The following RFC4 variants were observed in gnomAD, a reference collection of about 807,000 sequenced individuals.
RFC4 encodes the protein replication factor C subunit 4, also known as A1 37 kDa subunit.
Under a neutral mutation model 47.6 loss-of-function variants are expected in RFC4, and 38 were observed. That is an observed-to-expected ratio of 0.80 (90% CI 0.62 to 1.05). The LOEUF (loss-of-function observed/expected upper bound fraction) is 1.05, where lower values mean the gene tolerates loss of function less well. Ranked by LOEUF, RFC4 falls within the 50% of genes least tolerant of loss-of-function variation. The probability of loss-of-function intolerance (pLI) is 0.00; values close to 1 mark genes in which losing one functional copy is unlikely to be tolerated. For missense variants in RFC4, 489 were observed against 434.0 expected (o/e 1.13, Z -1.13); for synonymous variants, 164 against 150.0 (o/e 1.09, Z -0.68).
intron 3 of RFC4, 38 bp from the exon 4 acceptor site, chr3:186,797,652 C>T (rs200551222): frequency 8.9e-4 from 1,251 of 1,404,282 alleles, no homozygotes; most frequent in Non-Finnish European, 7.6e-4. Flanking sequence ...AAATGGTATT[C>T]TGGCACAAAT....
In RFC4 at chr3:186,796,423, C is replaced by T. The variant is rs1722245727; in HGVS notation, c.290+1112G>A. Among the ~76,000 whole-genome samples, 1 of 152,044 alleles carries T rather than the reference C, an allele frequency of 6.6e-6. No individual in the cohort carries two copies. Among genetic ancestry groups the T allele is most frequent in the South Asian group, 2.1e-4 (1 of 4,830 alleles). On this transcript the variant is annotated intron_variant, in intron 4 of 10. Transcript: ENST00000296273. The surrounding 1 kb of genome is among the most constrained non-coding windows in gnomAD (Gnocchi z 4.2). Reference sequence around the variant, plus strand: ...AATATTAGGCACATAGCAGCTTCTCCCTTTGTCTTTTACATTTTGACATAA... The same window carrying T: ...AATATTAGGCACATAGCAGCTTCTCTCTTTGTCTTTTACATTTTGACATAA...
intron 1 of RFC4, among the ~76,000 whole-genome samples, chr3:186,805,200 G>A (rs1436651121): frequency 1.3e-5 from 2 of 152,000 alleles, no homozygotes; most frequent in African/African-American, 4.8e-5. Flanking sequence ...CTTTCCTTGG[G>A]TCAGAACTCA....
intron 2 of RFC4, 41 bp from the exon 3 acceptor site, chr3:186,801,236 T>C (rs973363522): frequency 6.9e-7 from 1 of 1,439,274 alleles, no homozygotes; most frequent in Non-Finnish European, 9.8e-7. Context: ...TTTAGTATAT[T>C]ATAGTAGCCA....
rs147065910 is a variant in RFC4, at chr3:186,796,884, A to G, written c.290+651T>C. Reference sequence around the variant, plus strand: ...TGTTATGTTGGTGCATGTTTCATGTATATCAGACCCAGCCCACTACACATC... The same window carrying G: ...TGTTATGTTGGTGCATGTTTCATGTGTATCAGACCCAGCCCACTACACATC... On this transcript the variant is annotated intron_variant, in intron 4 of 10. Coordinates refer to ENST00000296273, the MANE Select transcript of RFC4 (RefSeq NM_002916.5). This position sits in a 1 kb window ranked among gnomAD's most constrained non-coding sequence, Gnocchi z 4.2. Among the ~76,000 whole-genome samples, 143 of 152,336 alleles carry G rather than the reference A, an allele frequency of 9.4e-4. No individual in the cohort carries two copies. The East Asian group carries it at 0.013, about 14-fold the overall frequency.
chr3:186,803,060 G>T (rs368508961), intron 2 of RFC4, among the ~76,000 whole-genome samples: 22 of 152,156 alleles, frequency 1.4e-4, no homozygotes, highest in Admixed American at 7.9e-4. Flanking sequence ...AACATATAAG[G>T]GGCTGGGCGC....
chr3:186,800,863 C>G (rs3917110), intron 3 of RFC4, among the ~76,000 whole-genome samples: 35,908 of 152,020 alleles, frequency 0.24, 4,970 homozygotes, highest in East Asian at 0.42. Flanking sequence ...ATGTCTTGTT[C>G]TATGTCTATG....
chr3:186,802,924 A>G (rs1722390742), intron 2 of RFC4, among the ~76,000 whole-genome samples: 1 of 152,212 alleles, frequency 6.6e-6, no homozygotes, highest in Non-Finnish European at 1.5e-5. Flanking sequence ...ACAAGTCCAT[A>G]TAACTCCTGT....
At chr3:186,790,718 C>T (rs1404170071) in intron 8 of RFC4, among the ~76,000 whole-genome samples, 1 of 152,178 alleles carries the variant, frequency 6.6e-6, no homozygotes, top group East Asian at 1.9e-4. Flanking sequence ...AACGATTCCT[C>T]AGAACAGTGG....
chr3:186,804,655 C>A lies in RFC4; in HGVS notation c.59G>T (p.Arg20Leu). 1 of 1,614,076 alleles carries A rather than the reference C, an allele frequency of 6.2e-7. No individual in the cohort carries two copies. The highest frequency in any genetic ancestry group is 8.5e-7 in the Non-Finnish European group (1 of 1,180,016). The change falls in exon 2 of 11, where the codon CGA becomes CTA. Residue 20 changes from arginine (R) to leucine (L), a missense_variant. Transcript: ENST00000296273. Reference sequence around the variant, plus strand: ...ACTTCCCGCACTGGCAGCTACTCCTCGATCCTTGGTCAGCGGGGGTTTAGT... The same window carrying A: ...ACTTCCCGCACTGGCAGCTACTCCTAGATCCTTGGTCAGCGGGGGTTTAGT... ...ISTKPPLTKDRGVAASAGSSG... is the reference protein window; with the variant it reads ...ISTKPPLTKDLGVAASAGSSG...
In RFC4 at chr3:186,792,776, G is replaced by A. The variant is rs778656348; in HGVS notation, c.554+28C>T. On this transcript the variant is annotated intron_variant, in intron 6 of 10. Transcript: ENST00000296273. ...TGGGTTATGAAAATAAGGCTGCCTAGCATCTGTCTTCAGGGCAATATACAT... is the reference window on the plus strand; with the variant it reads ...TGGGTTATGAAAATAAGGCTGCCTAACATCTGTCTTCAGGGCAATATACAT... 1.6e-5 allele frequency: 25 copies of A among 1,584,270 alleles called. No homozygotes were observed. The Admixed American group carries it at 4.5e-4, about 28-fold the overall frequency.
rs1722253103 is a variant in RFC4 at position 186,796,839 on chromosome 3, G to C, written c.290+696C>G. 6.6e-6 allele frequency among the ~76,000 whole-genome samples: 1 copy of C among 152,114 alleles called. No homozygotes were observed. The highest frequency in any genetic ancestry group is 1.5e-5 in the Non-Finnish European group (1 of 68,028). ...AGTTGTATGTCTGATATTAATTCTGGATAAACTCAAAACAGCCTTTGTTAT... is the reference window on the plus strand; with the variant it reads ...AGTTGTATGTCTGATATTAATTCTGCATAAACTCAAAACAGCCTTTGTTAT... On this transcript the variant is annotated intron_variant, in intron 4 of 10. Coordinates refer to ENST00000296273, the MANE Select transcript of RFC4 (RefSeq NM_002916.5). The surrounding 1 kb of genome is among the most constrained non-coding windows in gnomAD (Gnocchi z 4.2).
chr3:186,802,760 A>C (rs1252168609), intron 2 of RFC4, among the ~76,000 whole-genome samples: 2 of 152,090 alleles, frequency 1.3e-5, no homozygotes, highest in African/African-American at 4.8e-5. Flanking sequence ...TCTCTTGGGA[A>C]TCCAGTATAT....
intron 8 of RFC4, 34 bp from the exon 9 acceptor site, chr3:186,790,440 T>G (rs368369508): frequency 6.8e-7 from 1 of 1,477,494 alleles, no homozygotes; most frequent in Admixed American, 1.7e-5. Flanking sequence ...TAAAGATGTT[T>G]CTAGGTGAGA....
Position 186,793,374 on chromosome 3 carries a change from T to TAC in RFC4, c.411-429_411-428dup, listed in dbSNP as rs1722182015. On this transcript the variant is annotated intron_variant, in intron 5 of 10. Transcript: ENST00000296273. This position sits in a 1 kb window ranked among gnomAD's most constrained non-coding sequence, Gnocchi z 4.2. ...ATTGTCAAATACTATGGCAAATAGA[T>TAC]ACACCACATTTATTCATCCATTAAT... Among the ~76,000 whole-genome samples the TAC allele has an allele frequency of 6.6e-6, 1 of 152,240 alleles. No individual in the cohort carries two copies. Among genetic ancestry groups the TAC allele is most frequent in the South Asian group, 2.1e-4 (1 of 4,834 alleles).
In RFC4 at chr3:186,804,667, A is replaced by G. The variant is rs190809541; in HGVS notation, c.47T>C (p.Leu16Pro). The change falls in exon 2 of 11, where the codon CTG (leucine) becomes CCG (proline). Residue 16 changes from leucine (L) to proline (P), a missense_variant. This residue lies in a region of RFC4 where 206 missense variants were observed against 257.8 expected (regional missense o/e 0.80). Coordinates refer to ENST00000296273, the MANE Select transcript of RFC4 (RefSeq NM_002916.5). ...KGTSISTKPP[L>P]TKDRGVAASA... ...GGCAGCTACTCCTCGATCCTTGGTC[A>G]GCGGGGGTTTAGTACTGATGGATGT... The G allele has an allele frequency of 4.0e-4, 646 of 1,614,122 alleles. 1 individual carries two copies. The highest frequency in any genetic ancestry group is 3.0e-3 in the Middle Eastern group (18 of 6,062).
At chr3:186,803,039 G>A (rs1209031942) in intron 2 of RFC4, among the ~76,000 whole-genome samples, 4 of 152,052 alleles carry the variant, frequency 2.6e-5, no homozygotes, top group African/African-American at 7.2e-5. Context: ...AGGTTTATTG[G>A]TGCCAAACAA....
chr3:186,805,833 G>T (rs980016737), intron 1 of RFC4, among the ~76,000 whole-genome samples: 16 of 152,074 alleles, frequency 1.1e-4, no homozygotes, highest in African/African-American at 3.6e-4. Context: ...TACATGCCCT[G>T]GTGCCTAGAA....
At chr3:186,801,348 C>A in intron 2 of RFC4, 153 bp from the exon 3 acceptor site, 2 of 619,418 alleles carry the variant, frequency 3.2e-6, no homozygotes, top group Admixed American at 3.0e-5. Flanking sequence ...TAGGTGGAAA[C>A]CCCACTTGTT....
At position 186,793,616 on chromosome 3, in the gene RFC4, G is replaced by A. The variant is rs79833366; in HGVS notation, c.411-669C>T. 0.01 allele frequency among the ~76,000 whole-genome samples: 1,585 copies of A among 152,050 alleles called. 22 individuals are homozygous for A. The highest frequency in any genetic ancestry group is 0.072 in the East Asian group (373 of 5,172). On this transcript the variant is annotated intron_variant, in intron 5 of 10. Coordinates refer to ENST00000296273, the MANE Select transcript of RFC4 (RefSeq NM_002916.5). The surrounding 1 kb of genome is among the most constrained non-coding windows in gnomAD (Gnocchi z 4.2). ...ATAGCCATCCTAGTGGGAGTTACGT[G>A]GTATTTCAATGTGGCTTTGATTTTC...
Sources: gnomAD v4.1 joint callset for allele counts (sites outside exome capture counted in the v4.1 genomes callset) on GRCh38, gnomAD v4.1.1 for gene constraint, gnomAD v4.1.1 regional missense constraint, Gnocchi (gnomAD v3.1) non-coding constraint, MANE v1.5 for transcripts, NCBI Gene and HGNC (gene_info 2026-07-23, HGNC 2026-07-21) for gene names.